Variants in PCDHGA2 observed in about 807,000 individuals in gnomAD.
PCDHGA2 encodes the protein protocadherin gamma subfamily A, 2.
In PCDHGA2, 40 loss-of-function variants were observed where a neutral mutation model predicts 59.2. The ratio of observed to expected loss-of-function variants is 0.68; its 90% CI spans 0.52 to 0.88. The LOEUF (loss-of-function observed/expected upper bound fraction) is 0.88, where lower values mean the gene tolerates loss of function less well. PCDHGA2 is among the 40% of genes least tolerant of loss of function. PCDHGA2 has a pLI of 0.00. For missense variants in PCDHGA2, 1,226 were observed against 1,204.0 expected (o/e 1.02, Z -0.27); for synonymous variants, 560 against 526.0 (o/e 1.06, Z -0.89).
intron 1 of PCDHGA2, chr5:141,421,347 C>G: frequency 6.2e-7 from 1 of 1,613,948 alleles, no homozygotes; most frequent in Non-Finnish European, 8.5e-7. Flanking sequence ...CAGAAGAGAC[C>G]GAAAAGGGCT....
At chr5:141,400,740 G>T in intron 1 of PCDHGA2, 1 of 616,766 alleles carries the variant, frequency 1.6e-6, no homozygotes, top group Non-Finnish European at 2.8e-6. Context: ...GTGAGAGTTT[G>T]CTCTTAGCTT....
chr5:141,460,783 T>G (rs1000959104), intron 1 of PCDHGA2, among the ~76,000 whole-genome samples: 1 of 152,030 alleles, frequency 6.6e-6, no homozygotes, highest in Non-Finnish European at 1.5e-5. Flanking sequence ...TGTATACATA[T>G]ATACACACAA....
chr5:141,433,358 CCTATCTAT>C lies in PCDHGA2; in HGVS notation c.2425-61408_2425-61401del, dbSNP rs3074541. On this transcript the variant is annotated intron_variant, in intron 1 of 3. Transcript: ENST00000394576. ...ACAGGTGCAAGCCACCTACTGTCTG[CCTATCTAT>C]CTATCTATCTATCTATCTATCTATC... is the stretch of plus-strand genomic sequence containing the variant. The C allele has an allele frequency of 7.0e-3, 3,504 of 501,060 alleles. 20 individuals carry two copies. The highest frequency in any genetic ancestry group is 7.9e-3 in the Non-Finnish European group (2,251 of 285,142). The allele number at this position is 501,060 out of a possible 1,614,324, so 31.0% of individuals were successfully genotyped here.
In PCDHGA2 at chr5:141,489,739, G is replaced by A; in HGVS notation, c.2425-5068G>A. On this transcript the variant is annotated intron_variant, in intron 1 of 3. Transcript: ENST00000394576. The surrounding 1 kb of genome is among the most constrained non-coding windows in gnomAD (Gnocchi z 4.5). Reference sequence around the variant, plus strand: ...GGATCCGGATGTGGGCACCAATACTGTGAGCTTTTACACTCTAAGCCCCAA... The same window carrying A: ...GGATCCGGATGTGGGCACCAATACTATGAGCTTTTACACTCTAAGCCCCAA... 3 of 1,614,170 alleles carry A rather than the reference G, an allele frequency of 1.9e-6. No homozygotes were observed. The highest frequency in any genetic ancestry group is 2.2e-5 in the South Asian group (2 of 91,076).
chr5:141,371,301 A>G (rs199851082), intron 1 of PCDHGA2: 272 of 1,613,872 alleles, frequency 1.7e-4, no homozygotes, highest in Non-Finnish European at 2.2e-4. Flanking sequence ...GGAACTCACC[A>G]CTATTGGAGA....
At chr5:141,399,959 G>A (rs1257286209) in intron 1 of PCDHGA2, 4 of 1,612,230 alleles carry the variant, frequency 2.5e-6, no homozygotes, top group South Asian at 1.1e-5. Flanking sequence ...AGCGAGCCCG[G>A]GCTCTTCAGC....
At chr5:141,404,508 C>T (rs2154535422) in intron 1 of PCDHGA2, 2 of 1,613,964 alleles carry the variant, frequency 1.2e-6, no homozygotes, top group Non-Finnish European at 1.7e-6. Flanking sequence ...GCTCTGTGCT[C>T]CTTTGACTAT....
chr5:141,362,632 TTTC>T (rs1762606718), intron 1 of PCDHGA2: 2 of 1,490,270 alleles, frequency 1.3e-6, no homozygotes, highest in Admixed American at 4.6e-5. Flanking sequence ...CCACTGCGTA[TTTC>T]TTTGTCTGTG....
chr5:141,491,956 A>G lies in PCDHGA2; in HGVS notation c.2425-2851A>G, dbSNP rs2099735623. 1.9e-6 allele frequency: 2 copies of G among 1,035,704 alleles called. No homozygotes were observed. Among genetic ancestry groups the G allele is most frequent in the Non-Finnish European group, 2.7e-6 (2 of 749,368 alleles). The allele number at this position is 1,035,704 out of a possible 1,614,324, so 64.2% of individuals were successfully genotyped here. A position where few individuals can be genotyped will look rare whatever the true frequency, so the allele number is the denominator to read the frequency against. On this transcript the variant is annotated intron_variant, in intron 1 of 3. Transcript: ENST00000394576. This position sits in a 1 kb window ranked among gnomAD's most constrained non-coding sequence, Gnocchi z 6.9. Reference sequence around the variant, plus strand: ...GGACCGACCCCCACCCCTACACTCAAAAAAGGCCGGGGCCTCCTTCGAGCT... The same window carrying G: ...GGACCGACCCCCACCCCTACACTCAGAAAAGGCCGGGGCCTCCTTCGAGCT...
intron 1 of PCDHGA2, among the ~76,000 whole-genome samples, chr5:141,466,292 T>C (rs1050311680): frequency 3.3e-5 from 5 of 152,134 alleles, no homozygotes; most frequent in Non-Finnish European, 5.9e-5. Context: ...CACCTCAGGC[T>C]CCCAAGTAGC....
At chr5:141,386,425 C>T (rs996269178) in intron 1 of PCDHGA2, among the ~76,000 whole-genome samples, 2 of 151,916 alleles carry the variant, frequency 1.3e-5, no homozygotes, top group East Asian at 1.9e-4. Context: ...AGCTGTAGCC[C>T]ACCTGCATGG....
Position 141,486,515 on chromosome 5 carries a change from G to A in PCDHGA2, c.2425-8292G>A. ...AACTATTTTCCTCAATATTTCAGAT[G>A]TGAATGATAATCCACCCTCTTTCTT... On this transcript the variant is annotated intron_variant, in intron 1 of 3. Transcript: ENST00000394576. This position sits in a 1 kb window ranked among gnomAD's most constrained non-coding sequence, Gnocchi z 5.0. 1 of 1,614,172 alleles carries A rather than the reference G, an allele frequency of 6.2e-7. No individual in the cohort carries two copies. The highest frequency in any genetic ancestry group is 8.5e-7 in the Non-Finnish European group (1 of 1,180,026).
intron 2 of PCDHGA2, among the ~76,000 whole-genome samples, chr5:141,503,388 A>C (rs1456500896): frequency 6.6e-6 from 1 of 152,004 alleles, no homozygotes; most frequent in East Asian, 1.9e-4. Flanking sequence ...TGAGGTCAGG[A>C]GTTCGAAACC....
chr5:141,359,142 A>T (rs903512422), intron 1 of PCDHGA2, among the ~76,000 whole-genome samples: 1 of 152,224 alleles, frequency 6.6e-6, no homozygotes, highest in Non-Finnish European at 1.5e-5. Context: ...AGTAAGCTGG[A>T]ATATGATATG....
In PCDHGA2 at chr5:141,486,403, T is replaced by C; in HGVS notation, c.2425-8404T>C. ...GGAACCAGTTCTCCCTGGTGACTGC[T>C]GGACCCTTGGATCGAGAGGCCAAAT... On this transcript the variant is annotated intron_variant, in intron 1 of 3. Coordinates refer to ENST00000394576, the MANE Select transcript of PCDHGA2 (RefSeq NM_018915.4). This position sits in a 1 kb window ranked among gnomAD's most constrained non-coding sequence, Gnocchi z 5.0. The C allele has an allele frequency of 6.2e-7, 1 of 1,614,212 alleles. No individual in the cohort carries two copies. Among genetic ancestry groups the C allele is most frequent in the Non-Finnish European group, 8.5e-7 (1 of 1,180,034 alleles).
At chr5:141,434,193 T>G (rs2097677103) in intron 1 of PCDHGA2, among the ~76,000 whole-genome samples, 1 of 152,246 alleles carries the variant, frequency 6.6e-6, no homozygotes, top group South Asian at 2.1e-4. Flanking sequence ...GTAATTCCAA[T>G]GTACTTACTT....
At chr5:141,454,320 C>G (rs140074578) in intron 1 of PCDHGA2, among the ~76,000 whole-genome samples, 4 of 152,148 alleles carry the variant, frequency 2.6e-5, no homozygotes, top group Admixed American at 2.6e-4. Context: ...ATTGAAACCT[C>G]CAAGAATAAA....
intron 1 of PCDHGA2, chr5:141,374,128 GCTC>G: frequency 6.2e-7 from 1 of 1,603,488 alleles, no homozygotes; most frequent in Non-Finnish European, 8.5e-7. Flanking sequence ...AGCAGGTCCT[GCTC>G]CTCACGCTCC....
chr5:141,364,522 C>G (rs1763375621), intron 1 of PCDHGA2: 1 of 1,613,942 alleles, frequency 6.2e-7, no homozygotes, highest in Non-Finnish European at 8.5e-7. Flanking sequence ...AGCGCGGAGT[C>G]CGCATCGTCT....
Sources: gnomAD v4.1 joint callset for allele counts (sites outside exome capture counted in the v4.1 genomes callset) on GRCh38, gnomAD v4.1.1 for gene constraint, Gnocchi (gnomAD v3.1) non-coding constraint, MANE v1.5 for transcripts, NCBI Gene and HGNC (gene_info 2026-07-23, HGNC 2026-07-21) for gene names.